TENM2: variants seen among roughly 807,000 people sequenced by gnomAD.
TENM2 encodes the protein teneurin transmembrane protein 2.
In TENM2, 52 loss-of-function variants were observed where a neutral mutation model predicts 245.2. That is an observed-to-expected ratio of 0.21 (90% CI 0.17 to 0.27). TENM2 has a LOEUF of 0.27. Among genes scored for constraint, TENM2 ranks in the 10% least tolerant of loss-of-function variants. The pLI, the probability that TENM2 is intolerant of heterozygous loss-of-function variation, is 1.00. For synonymous variants in TENM2, 1,363 were observed against 1,438.9 expected (o/e 0.95, Z 1.19); for missense variants, 3,046 against 3,666.8 (o/e 0.83, Z 4.37).
intron 12 of TENM2, among the ~76,000 whole-genome samples, chr5:168,138,794 T>C (rs376292047): frequency 2.3e-4 from 35 of 152,254 alleles, no homozygotes; most frequent in African/African-American, 8.2e-4. Flanking sequence ...TGGGCAGTGA[T>C]AACTGTATTC....
At chr5:167,604,688 T>A (rs1776901095) in intron 2 of TENM2, among the ~76,000 whole-genome samples, 1 of 152,216 alleles carries the variant, frequency 6.6e-6, no homozygotes, top group Non-Finnish European at 1.5e-5. Context: ...GACACATCAA[T>A]GTGTTCCTTC....
intron 4 of TENM2, among the ~76,000 whole-genome samples, chr5:167,955,344 T>C (rs1218751871): frequency 7.2e-5 from 11 of 151,988 alleles, no homozygotes. Context: ...TTTGTTTAAG[T>C]TCCTTGTGGA....
chr5:167,437,200 C>T (rs773736189), intron 2 of TENM2, among the ~76,000 whole-genome samples: 1 of 152,262 alleles, frequency 6.6e-6, no homozygotes, highest in East Asian at 1.9e-4. Flanking sequence ...GGTGGAGCTG[C>T]CCAAGACCAT....
intron 4 of TENM2, among the ~76,000 whole-genome samples, chr5:167,968,569 C>A (rs1008747469): frequency 6.6e-6 from 1 of 152,104 alleles, no homozygotes; most frequent in Non-Finnish European, 1.5e-5. Flanking sequence ...ACCAATAATA[C>A]GACCTTTAAA....
At chr5:167,891,161 T>C (rs1046163140) in intron 3 of TENM2, among the ~76,000 whole-genome samples, 3 of 152,258 alleles carry the variant, frequency 2.0e-5, no homozygotes, top group Admixed American at 6.5e-5. Context: ...CATGAAGATA[T>C]ATAGATAGAT....
intron 2 of TENM2, among the ~76,000 whole-genome samples, chr5:167,716,344 T>G (rs1759255174): frequency 6.6e-6 from 1 of 152,246 alleles, no homozygotes; most frequent in Admixed American, 6.5e-5. Flanking sequence ...TACCACCCAG[T>G]TCTCGCTGTT....
intron 7 of TENM2, among the ~76,000 whole-genome samples, chr5:168,090,218 C>CCACACACACACACACA (rs3083413): frequency 3.7e-5 from 5 of 136,722 alleles, no homozygotes; most frequent in African/African-American, 1.4e-4. Flanking sequence ...ACTCCCCCCA[C>CCACACACACACACACA]CACACACACA....
intron 2 of TENM2, among the ~76,000 whole-genome samples, chr5:167,646,327 T>G (rs2150270351): frequency 6.7e-6 from 1 of 150,256 alleles, no homozygotes; most frequent in African/African-American, 2.4e-5. Flanking sequence ...CTGCAAAAGG[T>G]TTGTGTTATT....
chr5:167,430,083 A>G (rs1764124862), intron 2 of TENM2, among the ~76,000 whole-genome samples: 1 of 152,148 alleles, frequency 6.6e-6, no homozygotes, highest in Non-Finnish European at 1.5e-5. Context: ...TACAGGGGCA[A>G]AATCATCTAA....
At chr5:167,404,143 G>A (rs188845370) in intron 2 of TENM2, among the ~76,000 whole-genome samples, 109 of 152,136 alleles carry the variant, frequency 7.2e-4, no homozygotes, top group Admixed American at 4.7e-3. Flanking sequence ...TGTGCCATCT[G>A]TGCCTCTCCT....
At chr5:167,128,060 T>C in the TENM2 span, among the ~76,000 whole-genome samples, 3 of 152,124 alleles carry the variant, frequency 2.0e-5, no homozygotes, top group African/African-American at 7.2e-5. Flanking sequence ...GTACAAACAT[T>C]GCTTCTGTAA....
At chr5:168,075,310 C>T (rs1236390432) in intron 7 of TENM2, among the ~76,000 whole-genome samples, 2 of 152,168 alleles carry the variant, frequency 1.3e-5, no homozygotes, top group Non-Finnish European at 2.9e-5. Flanking sequence ...TATATATATA[C>T]CACATTTTCT....
chr5:167,810,047 T>C (rs1766518379), intron 2 of TENM2, among the ~76,000 whole-genome samples: 1 of 152,098 alleles, frequency 6.6e-6, no homozygotes, highest in South Asian at 2.1e-4. Context: ...GAAATAATCT[T>C]ATTAGTCCCT....
chr5:167,103,803 A>G, the TENM2 span, among the ~76,000 whole-genome samples: 16 of 152,090 alleles, frequency 1.1e-4, no homozygotes, highest in South Asian at 1.0e-3. Context: ...TTCCATGTCA[A>G]ATCCTGCAGA....
At chr5:168,226,859 T>TTAA (rs1191808535) in intron 24 of TENM2, among the ~76,000 whole-genome samples, 1 of 152,230 alleles carries the variant, frequency 6.6e-6, no homozygotes, top group African/African-American at 2.4e-5. Flanking sequence ...ATTGTGCCGA[T>TTAA]TAATTTTTCT....
At chr5:167,747,225 G>A (rs933871609) in intron 2 of TENM2, among the ~76,000 whole-genome samples, 2 of 152,092 alleles carry the variant, frequency 1.3e-5, no homozygotes, top group Non-Finnish European at 2.9e-5. Context: ...TTCCCAGTGG[G>A]CAAGTGATAT....
chr5:167,380,752 C>A (rs1209072142), intron 2 of TENM2, among the ~76,000 whole-genome samples: 1 of 152,086 alleles, frequency 6.6e-6, no homozygotes, highest in Non-Finnish European at 1.5e-5. Context: ...CTGCTGAGTT[C>A]CTGATATCAG....
chr5:167,431,975 A>ATATACACACATATATATACATATATATG (rs1764283188), intron 2 of TENM2, among the ~76,000 whole-genome samples: 1 of 145,642 alleles, frequency 6.9e-6, no homozygotes, highest in Non-Finnish European at 1.5e-5. Context: ...ATATATATAT[A>ATATACACACATATATATACATATATATG]TATGGAAGTT....
At chr5:168,214,494 G>A (rs1190780467) in intron 20 of TENM2, among the ~76,000 whole-genome samples, 2 of 152,226 alleles carry the variant, frequency 1.3e-5, no homozygotes, top group Non-Finnish European at 2.9e-5. Flanking sequence ...CCACACTGAA[G>A]AGCAGTAAAG....
Sources: allele counts gnomAD v4.1 joint callset (sites outside exome capture counted in the v4.1 genomes callset), GRCh38; gene constraint gnomAD v4.1.1; transcripts MANE v1.5; gene names NCBI Gene and HGNC (gene_info 2026-07-23, HGNC 2026-07-21).